ERBIN: variants seen among roughly 807,000 people sequenced by gnomAD.
ERBIN encodes the protein densin-180-like protein.
A neutral mutation model predicts 158.4 loss-of-function variants in ERBIN; 60 were observed. That is an observed-to-expected ratio of 0.38 (90% CI 0.31 to 0.47). The LOEUF is 0.47. Among genes scored for constraint, ERBIN ranks in the 20% least tolerant of loss-of-function variants. ERBIN has a pLI of 0.99. For synonymous variants in ERBIN, 594 were observed against 557.2 expected (o/e 1.07, Z -0.93); for missense variants, 1,610 against 1,648.0 (o/e 0.98, Z 0.40).
At chr5:65,933,503 C>T (rs1442460906) in intron 1 of ERBIN, among the ~76,000 whole-genome samples, 4 of 152,164 alleles carry the variant, frequency 2.6e-5, no homozygotes, top group Admixed American at 1.3e-4. Context: ...TGTCACATCT[C>T]CTACATACAT....
At chr5:66,063,182 C>T (rs931205049) in intron 21 of ERBIN, among the ~76,000 whole-genome samples, 1 of 152,244 alleles carries the variant, frequency 6.6e-6, no homozygotes, top group Non-Finnish European at 1.5e-5. Flanking sequence ...CTGTGGTGGG[C>T]TTCACCCAGT....
chr5:66,046,486 T>C lies in ERBIN; in HGVS notation c.1736T>C (p.Met579Thr), dbSNP rs1758456645. ...GGGAGTTTACCAGTGACTGCAAATA[T>C]GAAAGCCTCTGAGAACTTGAAGCAT... Reference protein sequence around the residue: ...SPGSLPVTANMKASENLKHIV... With the variant: ...SPGSLPVTANTKASENLKHIV... The change falls in exon 18 of 26, where the codon ATG (methionine) becomes ACG (threonine). Residue 579 changes from methionine (M) to threonine (T), a missense_variant. Met to Thr is a moderately conservative substitution (Grantham distance 81). Transcript: ENST00000284037. 6.2e-7 allele frequency: 1 copy of C among 1,609,326 alleles called. No individual in the cohort carries two copies. Among genetic ancestry groups the C allele is most frequent in the Non-Finnish European group, 8.5e-7 (1 of 1,177,670 alleles).
At chr5:66,049,386 A>G (rs531248429) in intron 19 of ERBIN, among the ~76,000 whole-genome samples, 24 of 152,162 alleles carry the variant, frequency 1.6e-4, no homozygotes, top group African/African-American at 5.8e-4. Flanking sequence ...TTATGGCATC[A>G]ATGATACTTA....
At chr5:65,982,110 A>G (rs1750725784) in intron 1 of ERBIN, among the ~76,000 whole-genome samples, 1 of 152,238 alleles carries the variant, frequency 6.6e-6, no homozygotes, top group South Asian at 2.1e-4. Flanking sequence ...AAGAGAGATT[A>G]TTACCACAAA....
chr5:66,014,663 T>A lies in ERBIN; in HGVS notation c.477-6T>A. ...CTAAATACATGATTTTTTTTTTGTA[T>A]TGCAGATTAACTAAACTCCAAATAT... is the stretch of plus-strand genomic sequence containing the variant. On this transcript the variant is annotated splice_polypyrimidine_tract_variant and splice_region_variant and intron_variant, in intron 6 of 25. Coordinates refer to ENST00000284037, the MANE Select transcript of ERBIN (RefSeq NM_001253697.2). 7.5e-7 allele frequency: 1 copy of A among 1,328,634 alleles called. No individual in the cohort carries two copies. Among genetic ancestry groups the A allele is most frequent in the Admixed American group, 2.5e-5 (1 of 40,554 alleles). 82.3% of individuals were successfully genotyped at this position (1,328,634 alleles called of 1,614,324 possible). A position where few individuals can be genotyped will look rare whatever the true frequency, so the allele number is the denominator to read the frequency against.
intron 23 of ERBIN, 32 bp from the exon 24 acceptor site, chr5:66,076,284 A>G (rs1333542117): frequency 3.2e-6 from 5 of 1,558,388 alleles, no homozygotes; most frequent in Non-Finnish European, 4.4e-6. Context: ...TTTCTGAAAT[A>G]GTAAGTTTCC....
At chr5:65,977,004 C>T (rs1408851821) in intron 1 of ERBIN, among the ~76,000 whole-genome samples, 5 of 152,222 alleles carry the variant, frequency 3.3e-5, no homozygotes, top group Non-Finnish European at 7.3e-5. Flanking sequence ...CCATTGTCAT[C>T]ATGGCCCGTT....
chr5:66,025,596 C>A (rs1310401166), intron 11 of ERBIN, 44 bp downstream of exon 11: 2 of 1,393,170 alleles, frequency 1.4e-6, no homozygotes, highest in Non-Finnish European at 2.0e-6. Flanking sequence ...ATTTTACTTT[C>A]AGTTCAGCAT....
intron 3 of ERBIN, 127 bp from the exon 4 acceptor site, chr5:65,994,620 G>A: frequency 1.8e-6 from 1 of 570,758 alleles, no homozygotes; most frequent in South Asian, 2.4e-5. Context: ...AGAACAATGA[G>A]GCATCTTTCC....
chr5:65,965,379 G>GTTTTTTTTTTTTTTTTTTT (rs1561304820), intron 1 of ERBIN, among the ~76,000 whole-genome samples: 2 of 103,652 alleles, frequency 1.9e-5, no homozygotes, highest in East Asian at 4.8e-4. Flanking sequence ...TTTGTTTTTT[G>GTTTTTTTTTTTTTTTTTTT]TTGTTTTTTT....
intron 4 of ERBIN, among the ~76,000 whole-genome samples, chr5:66,007,025 A>C (rs1015503203): frequency 1.0e-4 from 15 of 149,408 alleles, no homozygotes; most frequent in Admixed American, 1.3e-4. Context: ...TTGACCCAGC[A>C]ATCCCATTAC....
chr5:66,016,834 C>T lies in ERBIN; in HGVS notation c.533+2109C>T, dbSNP rs578139360. 1.4e-4 allele frequency among the ~76,000 whole-genome samples: 21 copies of T among 152,150 alleles called. 1 individual carries two copies. In the South Asian group the frequency reaches 3.7e-3, roughly 27 times the overall value. On this transcript the variant is annotated intron_variant, in intron 7 of 25. Coordinates refer to ENST00000284037, the MANE Select transcript of ERBIN (RefSeq NM_001253697.2). ...TTTGCTGTGTTGGTCAGACTGGTCT[C>T]GAACTCCTGGCCTCAAATGACCCGC...
At chr5:66,000,769 G>T (rs1483213401) in intron 4 of ERBIN, among the ~76,000 whole-genome samples, 1 of 151,936 alleles carries the variant, frequency 6.6e-6, no homozygotes, top group East Asian at 1.9e-4. Context: ...GTCTTGAATT[G>T]ATGTCTAAGT....
chr5:66,008,374 G>A (rs1242070943), intron 4 of ERBIN, among the ~76,000 whole-genome samples: 5 of 152,152 alleles, frequency 3.3e-5, no homozygotes, highest in African/African-American at 4.8e-5. Flanking sequence ...AGCTGAGATC[G>A]CGCCACTGCA....
At chr5:66,021,802 A>G (rs1580377409) in intron 8 of ERBIN, among the ~76,000 whole-genome samples, 1 of 152,104 alleles carries the variant, frequency 6.6e-6, no homozygotes, top group South Asian at 2.1e-4. Context: ...GCTAAGGGGA[A>G]AATCATTGAG....
intron 18 of ERBIN, among the ~76,000 whole-genome samples, chr5:66,046,948 T>TC (rs971086426): frequency 2.2e-4 from 33 of 152,206 alleles, no homozygotes; most frequent in African/African-American, 7.7e-4. Flanking sequence ...AGCTGGAACT[T>TC]TTTTTAAAAA....
At chr5:66,061,615 G>C (rs1050737055) in intron 21 of ERBIN, among the ~76,000 whole-genome samples, 3 of 152,186 alleles carry the variant, frequency 2.0e-5, no homozygotes, top group Non-Finnish European at 4.4e-5. Context: ...TTGCTCATTA[G>C]TTGATGCAGT....
rs534258137 is a variant in ERBIN, at chr5:65,983,458, A to T, written c.-57-5177A>T. Among the ~76,000 whole-genome samples, 61 of 151,856 alleles carry T rather than the reference A, an allele frequency of 4.0e-4. 2 individuals are homozygous for T. In the South Asian group the frequency reaches 0.013, roughly 32 times the overall value. On this transcript the variant is annotated intron_variant, in intron 1 of 25. Coordinates refer to ENST00000284037, the MANE Select transcript of ERBIN (RefSeq NM_001253697.2). ...CCTTCCTATCTTTATTCTTTTTCAT[A>T]TTATTATTTTAATTGTTTACTATTT... is the stretch of plus-strand genomic sequence containing the variant.
intron 2 of ERBIN, among the ~76,000 whole-genome samples, chr5:65,991,956 G>A (rs959352098): frequency 1.3e-5 from 2 of 152,156 alleles, no homozygotes; most frequent in Non-Finnish European, 2.9e-5. Context: ...AGGTTATAGG[G>A]TGGTTGATCC....
Sources: allele counts gnomAD v4.1 joint callset (sites outside exome capture counted in the v4.1 genomes callset), GRCh38; gene constraint gnomAD v4.1.1; transcripts MANE v1.5; gene names NCBI Gene and HGNC (gene_info 2026-07-23, HGNC 2026-07-21).